PFKFB3: variants seen among roughly 807,000 people sequenced by gnomAD.
PFKFB3 encodes the protein 6-phosphofructo-2-kinase/fructose-2,6-bisphosphatase 3.
In PFKFB3, 33 loss-of-function variants were observed where a neutral mutation model predicts 68.0. The ratio of observed to expected loss-of-function variants is 0.49; its 90% CI spans 0.37 to 0.65. PFKFB3 has a LOEUF of 0.65. Among genes scored for constraint, PFKFB3 ranks in the 30% least tolerant of loss-of-function variants. The pLI is 0.00. For missense variants in PFKFB3, 586 were observed against 712.2 expected (o/e 0.82, Z 2.02); for synonymous variants, 315 against 288.2 (o/e 1.09, Z -0.94).
At chr10:6,238,065 G>A (rs1349145372), downstream of PFKFB3, among the ~76,000 whole-genome samples, 2 of 151,964 alleles carry the variant, frequency 1.3e-5, no homozygotes, top group Non-Finnish European at 2.9e-5. Context: ...CCCCCATAAA[G>A]ACACCCGAAT....
At chr10:6,300,796 T>G in the PFKFB3 span, among the ~76,000 whole-genome samples, 1 of 152,202 alleles carries the variant, frequency 6.6e-6, no homozygotes, top group Non-Finnish European at 1.5e-5. Context: ...CCTAGATTCC[T>G]TCCTGGGTTT....
At chr10:6,227,637 C>T (rs756298286) in intron 14 of PFKFB3, among the ~76,000 whole-genome samples, 21 of 152,182 alleles carry the variant, frequency 1.4e-4, no homozygotes, top group Admixed American at 1.3e-4. Context: ...CGCGTAGACA[C>T]GGTGAGGTGG....
intron 1 of PFKFB3, among the ~76,000 whole-genome samples, chr10:6,190,207 G>C (rs1564608342): frequency 6.6e-6 from 1 of 152,148 alleles, no homozygotes. Context: ...GCCTCTCAAA[G>C]TGCTGAGATT....
At chr10:6,162,101 C>G (rs1841990333) in intron 1 of PFKFB3, among the ~76,000 whole-genome samples, 1 of 152,160 alleles carries the variant, frequency 6.6e-6, no homozygotes, top group Non-Finnish European at 1.5e-5. Flanking sequence ...CTGAATCTGA[C>G]TATTCTAGGG....
At chr10:6,237,843 G>C (rs978881936), downstream of PFKFB3, among the ~76,000 whole-genome samples, 2 of 152,108 alleles carry the variant, frequency 1.3e-5, no homozygotes, top group African/African-American at 4.8e-5. Context: ...TGGGATTACA[G>C]ACGTGTGCCA....
At chr10:6,211,189 T>G (rs115756544) in intron 1 of PFKFB3, among the ~76,000 whole-genome samples, 1,649 of 125,138 alleles carry the variant, frequency 0.013, 37 homozygotes, top group African/African-American at 0.045. Context: ...TTGCCCTGTG[T>G]ATTTACTCTG....
At chr10:6,196,633 G>C (rs964530943) in intron 1 of PFKFB3, among the ~76,000 whole-genome samples, 1 of 152,212 alleles carries the variant, frequency 6.6e-6, no homozygotes, top group South Asian at 2.1e-4. Flanking sequence ...AGCCAGTCTA[G>C]TCTTTCCACG....
the PFKFB3 span, among the ~76,000 whole-genome samples, chr10:6,301,306 C>T: frequency 1.1e-4 from 17 of 152,168 alleles, no homozygotes; most frequent in East Asian, 1.9e-4. Context: ...TACATATGTA[C>T]ACCTGTAAGG....
At chr10:6,320,451 T>G in the PFKFB3 span, among the ~76,000 whole-genome samples, 2 of 150,520 alleles carry the variant, frequency 1.3e-5, no homozygotes, top group African/African-American at 2.5e-5. Context: ...AGAAACAGCT[T>G]CTTCTTCTTC....
At chr10:6,325,979 C>T in the PFKFB3 span, among the ~76,000 whole-genome samples, 1 of 152,164 alleles carries the variant, frequency 6.6e-6, no homozygotes, top group African/African-American at 2.4e-5. Context: ...CTTCATAATA[C>T]CACGTTCAAG....
the PFKFB3 span, among the ~76,000 whole-genome samples, chr10:6,276,842 G>GTGTGTGTGTA: frequency 6.9e-5 from 10 of 144,602 alleles, no homozygotes; most frequent in South Asian, 4.3e-4. Context: ...ATGTATTTGT[G>GTGTGTGTGTA]TGTGTGTGTG....
In PFKFB3 at chr10:6,203,273, C is replaced by G. The variant is rs770373341; in HGVS notation, c.13C>G (p.Leu5Val). The G allele has an allele frequency of 3.7e-6, 6 of 1,610,564 alleles. No individual in the cohort carries two copies. Among genetic ancestry groups the G allele is most frequent in the Non-Finnish European group, 4.2e-6 (5 of 1,178,584 alleles). The change falls in exon 1 of 15, where the codon CTG becomes GTG. Residue 5 changes from leucine to valine, a missense_variant. Leu to Val is a conservative substitution (Grantham distance 32, BLOSUM62 1). Coordinates refer to ENST00000379775, the MANE Select transcript of PFKFB3 (RefSeq NM_004566.4). The stretch of plus-strand genomic sequence containing the variant: ...CGCAGCCGCGAAGATGCCGTTGGAA[C>G]TGACGCAGAGCCGAGTGCAGAAGAT... MPLE[L>V]TQSRVQKIWV... is the part of the protein sequence containing the mutation.
At chr10:6,165,753 G>T (rs1303339852) in intron 1 of PFKFB3, among the ~76,000 whole-genome samples, 1 of 151,934 alleles carries the variant, frequency 6.6e-6, no homozygotes, top group Non-Finnish European at 1.5e-5. Context: ...CTCGTTTGTT[G>T]TAGATTATTT....
chr10:6,221,458 C>A lies in PFKFB3; in HGVS notation c.909C>A (p.Ser303Arg), dbSNP rs1047793225. ...DLRVWTSQLK[S>R]TIQTAEALRL... ...GCGTGTGGACCAGCCAGCTGAAGAG[C>A]ACCATCCAGACGGCCGAGGCGCTGC... The change falls in exon 9 of 15, where the codon AGC (serine) becomes AGA (arginine). Residue 303 changes from serine (S) to arginine (R), a missense_variant. Physicochemically the swap from Ser to Arg is moderately radical, Grantham distance 110 (BLOSUM62 -1). Transcript: ENST00000379775. 1 of 1,613,764 alleles carries A rather than the reference C, an allele frequency of 6.2e-7. No individual in the cohort carries two copies. Among genetic ancestry groups the A allele is most frequent in the Non-Finnish European group, 8.5e-7 (1 of 1,180,026 alleles).
intron 1 of PFKFB3, among the ~76,000 whole-genome samples, chr10:6,162,481 G>A (rs1841999005): frequency 6.6e-6 from 1 of 152,144 alleles, no homozygotes; most frequent in Non-Finnish European, 1.5e-5. Flanking sequence ...TCCGTAAAAT[G>A]GCTATTTACC....
the PFKFB3 span, among the ~76,000 whole-genome samples, chr10:6,308,328 C>A: frequency 6.6e-6 from 1 of 152,178 alleles, no homozygotes; most frequent in Non-Finnish European, 1.5e-5. Context: ...GCCTGGCCAA[C>A]ATGGCAAAAC....
intron 1 of PFKFB3, among the ~76,000 whole-genome samples, chr10:6,183,719 G>C (rs1011400891): frequency 6.2e-5 from 9 of 146,056 alleles, no homozygotes; most frequent in African/African-American, 2.0e-4. Flanking sequence ...ACAGAGTCTC[G>C]CTCTGTCACC....
intron 1 of PFKFB3, among the ~76,000 whole-genome samples, chr10:6,194,602 C>A (rs1383779530): frequency 6.6e-6 from 1 of 152,206 alleles, no homozygotes; most frequent in African/African-American, 2.4e-5. Context: ...CAATGTCTTT[C>A]TAGCCAGTAG....
At chr10:6,239,472 G>T (rs1371250634), downstream of PFKFB3, among the ~76,000 whole-genome samples, 1 of 152,206 alleles carries the variant, frequency 6.6e-6, no homozygotes, top group Admixed American at 6.5e-5. Flanking sequence ...TAATTAGCAA[G>T]CAGGGTTTCC....
Sources: gnomAD v4.1 joint callset for allele counts (sites outside exome capture counted in the v4.1 genomes callset) on GRCh38, gnomAD v4.1.1 for gene constraint, MANE v1.5 for transcripts, NCBI Gene and HGNC (gene_info 2026-07-23, HGNC 2026-07-21) for gene names.